The following HCN1 variants were observed in gnomAD, a reference collection of about 807,000 sequenced individuals.
The protein encoded by HCN1 is potassium/sodium hyperpolarization-activated cyclic nucleotide-gated channel 1.
HCN1 carries 13 observed loss-of-function variants against 78.9 expected under a neutral mutation model. That is an observed-to-expected ratio of 0.16 (90% confidence interval 0.11 to 0.26). HCN1 has a LOEUF of 0.26. Among genes scored for constraint, HCN1 ranks in the 10% least tolerant of loss-of-function variants. The pLI is 1.00. For missense variants in HCN1, 810 were observed against 1,154.3 expected, an observed-to-expected ratio of 0.70 and a Z score of 4.32; for synonymous variants, 552 against 455.5, an observed-to-expected ratio of 1.21 and a Z score of -2.70.
At chr5:45,625,787 T>C (rs1745152706) in intron 2 of HCN1, among the ~76,000 whole-genome samples, 1 of 151,984 alleles carries the variant, frequency 6.6e-6, no homozygotes, top group African/African-American at 2.4e-5. Flanking sequence ...TAGTAAAATG[T>C]ATTATTTTAT....
At chr5:45,335,823 G>A (rs1480770287) in intron 5 of HCN1, among the ~76,000 whole-genome samples, 1 of 152,010 alleles carries the variant, frequency 6.6e-6, no homozygotes, top group Admixed American at 6.6e-5. Flanking sequence ...ATTTCAAGAT[G>A]AGAAAAATGA....
intron 1 of HCN1, among the ~76,000 whole-genome samples, chr5:45,658,921 GC>G (rs1370027264): frequency 6.9e-6 from 1 of 144,766 alleles, no homozygotes; most frequent in Non-Finnish European, 1.5e-5. Flanking sequence ...AAACAAAGCA[GC>G]CGGGAAGCTC....
chr5:45,622,846 G>A (rs549499149), intron 2 of HCN1, among the ~76,000 whole-genome samples: 33 of 152,198 alleles, frequency 2.2e-4, no homozygotes, highest in South Asian at 2.1e-4. Flanking sequence ...TTATGCTTTC[G>A]TAAGTAGTCG....
intron 2 of HCN1, among the ~76,000 whole-genome samples, chr5:45,501,779 C>T (rs376058736): frequency 1.3e-5 from 2 of 152,014 alleles, no homozygotes; most frequent in African/African-American, 4.8e-5. Flanking sequence ...TTATGATATG[C>T]CCCATATGCC....
intron 2 of HCN1, chr5:45,557,905 A>G (rs912305419): frequency 6.6e-6 from 1 of 152,020 alleles, no homozygotes; most frequent in African/African-American, 2.4e-5. Context: ...AATTAGGTCA[A>G]TTAATTACTC....
intron 3 of HCN1, among the ~76,000 whole-genome samples, chr5:45,430,191 A>G (rs1227998671): frequency 6.6e-6 from 1 of 152,212 alleles, no homozygotes. Flanking sequence ...TACAGAAAGA[A>G]TAGGTAACAC....
chr5:45,489,498 T>C (rs1741836553), intron 2 of HCN1, among the ~76,000 whole-genome samples: 1 of 152,096 alleles, frequency 6.6e-6, no homozygotes. Context: ...CTGGAGTGGA[T>C]TGGTGATTCT....
At position 45,255,981 on chromosome 5, in the gene HCN1, A is replaced by G. The variant is rs1330872890; in HGVS notation, c.*5940T>C. On this transcript the variant is annotated 3_prime_UTR_variant, in exon 8 of 8. Coordinates refer to ENST00000303230, the MANE Select transcript of HCN1 (RefSeq NM_021072.4). Reference sequence around the variant, plus strand: ...GAAACATAAAGTGGTCCTCTTTTGAAGAATTATTATATTTACTAATTTATT... The same window carrying G: ...GAAACATAAAGTGGTCCTCTTTTGAGGAATTATTATATTTACTAATTTATT... 1 of 152,192 alleles carries G rather than the reference A, an allele frequency of 6.6e-6. No individual in the cohort carries two copies. The highest frequency in any genetic ancestry group is 1.5e-5 in the Non-Finnish European group (1 of 68,034). The allele number at this position is 152,192 out of a possible 1,614,324, so 9.4% of individuals were successfully genotyped here. A position where few individuals can be genotyped will look rare whatever the true frequency, so the allele number is the denominator to read the frequency against.
intron 3 of HCN1, among the ~76,000 whole-genome samples, chr5:45,407,752 T>C (rs1739953362): frequency 6.6e-6 from 1 of 151,934 alleles, no homozygotes; most frequent in Non-Finnish European, 1.5e-5. Context: ...TCAGGTGATC[T>C]ACCTGCCTCA....
chr5:45,270,872 A>G lies in HCN1; in HGVS notation c.1619-3619T>C, dbSNP rs564393494. On this transcript the variant is annotated intron_variant, in intron 6 of 7. Transcript: ENST00000303230. Reference sequence around the variant, plus strand: ...ATGTTAAAAACAGATTTACTGGAGCATAGATATAAGTTTAGTCAAATTTTT... The same window carrying G: ...ATGTTAAAAACAGATTTACTGGAGCGTAGATATAAGTTTAGTCAAATTTTT... Among the ~76,000 whole-genome samples the G allele has an allele frequency of 3.3e-5, 5 of 152,316 alleles. No homozygotes were observed. In the East Asian group the frequency reaches 9.6e-4, roughly 29 times the overall value.
intron 5 of HCN1, among the ~76,000 whole-genome samples, chr5:45,318,685 T>C (rs1361201163): frequency 6.6e-6 from 1 of 152,040 alleles, no homozygotes; most frequent in Non-Finnish European, 1.5e-5. Flanking sequence ...TTCATGTTCA[T>C]TATTTAGTCA....
At chr5:45,582,428 G>T (rs1050014272) in intron 2 of HCN1, among the ~76,000 whole-genome samples, 1 of 152,138 alleles carries the variant, frequency 6.6e-6, no homozygotes, top group Non-Finnish European at 1.5e-5. Context: ...GGGCTGAGAT[G>T]ATGGGGTTTT....
At chr5:45,598,986 C>T (rs766417737) in intron 2 of HCN1, among the ~76,000 whole-genome samples, 12 of 152,136 alleles carry the variant, frequency 7.9e-5, no homozygotes, top group Non-Finnish European at 1.8e-4. Flanking sequence ...TTAGTTCAAC[C>T]ATTGTGGAGC....
At chr5:45,653,377 GA>G (rs1194317722) in intron 1 of HCN1, among the ~76,000 whole-genome samples, 1 of 152,010 alleles carries the variant, frequency 6.6e-6, no homozygotes, top group African/African-American at 2.4e-5. Context: ...ACTGAACAGT[GA>G]ATACTCTGCC....
chr5:45,402,791 T>A lies in HCN1; in HGVS notation c.1012-6081A>T, dbSNP rs75897089. Among the ~76,000 whole-genome samples the A allele has an allele frequency of 5.5e-3, 801 of 145,724 alleles. 5 individuals are homozygous for A. The highest frequency in any genetic ancestry group is 0.019 in the African/African-American group (759 of 39,082). On this transcript the variant is annotated intron_variant, in intron 3 of 7. Coordinates refer to ENST00000303230, the MANE Select transcript of HCN1 (RefSeq NM_021072.4). ...TTTCTTTCCTTCTTTCTTCCTTTCC[T>A]TTCCTTTCTTTCCTTTCTTTCCTCC...
intron 3 of HCN1, among the ~76,000 whole-genome samples, chr5:45,415,793 A>C (rs1740105591): frequency 6.6e-6 from 1 of 152,052 alleles, no homozygotes; most frequent in Admixed American, 6.6e-5. Context: ...GTATAACCAA[A>C]GTTTCCTAAG....
intron 6 of HCN1, among the ~76,000 whole-genome samples, chr5:45,298,764 T>C (rs563475267): frequency 6.6e-6 from 1 of 152,010 alleles, no homozygotes; most frequent in Non-Finnish European, 1.5e-5. Flanking sequence ...TCCTTACTTG[T>C]GGGCTGTGCA....
chr5:45,337,518 T>G (rs1482391975), intron 5 of HCN1, among the ~76,000 whole-genome samples: 1 of 152,158 alleles, frequency 6.6e-6, no homozygotes, highest in Admixed American at 6.6e-5. Flanking sequence ...CACTCTGAGA[T>G]GATTTGCCAA....
intron 2 of HCN1, among the ~76,000 whole-genome samples, chr5:45,535,845 G>A (rs948193575): frequency 6.6e-6 from 1 of 152,096 alleles, no homozygotes; most frequent in East Asian, 1.9e-4. Context: ...CTGGTAATCC[G>A]ATTCCTTCAG....
Sources: gnomAD v4.1 joint callset for allele counts (sites outside exome capture counted in the v4.1 genomes callset) on GRCh38, gnomAD v4.1.1 for gene constraint, MANE v1.5 for transcripts, NCBI Gene and HGNC (gene_info 2026-07-23, HGNC 2026-07-21) for gene names.